The following FOXP2 variants were observed in gnomAD, a reference collection of about 807,000 sequenced individuals.
FOXP2 encodes the protein forkhead box P2, also known as forkhead box protein P2.
Under a neutral mutation model 115.8 loss-of-function variants are expected in FOXP2, and 12 were observed. The observed-to-expected ratio is 0.10, with a 90% CI of 0.07 to 0.17. FOXP2 has a LOEUF of 0.17. FOXP2 is among the 10% of genes least tolerant of loss of function. FOXP2 has a pLI of 1.00. For synonymous variants in FOXP2, 328 were observed against 297.7 expected (o/e 1.10, Z -1.05); for missense variants, 629 against 843.5 (o/e 0.75, Z 3.15).
chr7:114,527,662 T>C (rs1174615586), intron 2 of FOXP2, among the ~76,000 whole-genome samples: 1 of 152,182 alleles, frequency 6.6e-6, no homozygotes, highest in East Asian at 1.9e-4. Context: ...TATTCTGCCA[T>C]CAGGCAAACA....
intron 8 of FOXP2, among the ~76,000 whole-genome samples, chr7:114,650,721 G>A (rs1324811645): frequency 6.6e-6 from 1 of 151,926 alleles, no homozygotes; most frequent in Non-Finnish European, 1.5e-5. Context: ...TTAGAGAGCA[G>A]ACAGGTATAG....
intron 1 of FOXP2, among the ~76,000 whole-genome samples, chr7:114,092,649 C>T (rs902682728): frequency 1.3e-5 from 2 of 152,002 alleles, no homozygotes; most frequent in African/African-American, 4.8e-5. Flanking sequence ...TTACAGTACA[C>T]TAATCCAAAT....
chr7:114,443,343 T>A (rs1794691988), intron 2 of FOXP2, among the ~76,000 whole-genome samples: 2 of 152,224 alleles, frequency 1.3e-5, no homozygotes, highest in South Asian at 4.1e-4. Flanking sequence ...ATTCTATTAG[T>A]CCTGACATAT....
At chr7:114,567,318 G>A (rs1345226437) in intron 3 of FOXP2, among the ~76,000 whole-genome samples, 1 of 152,042 alleles carries the variant, frequency 6.6e-6, no homozygotes, top group South Asian at 2.1e-4. Flanking sequence ...ACCATATGAT[G>A]ATGTTACTTA....
intron 2 of FOXP2, among the ~76,000 whole-genome samples, chr7:114,521,532 CAAAAAAAAAAA>C (rs34666914): frequency 6.1e-5 from 5 of 82,082 alleles, no homozygotes; most frequent in Admixed American, 3.0e-4. Context: ...GACACTGTCT[CAAAAAAAAAAA>C]AAAAAAAAAA....
chr7:114,346,631 GATGAACCAGGATAACATC>G lies in FOXP2; in HGVS notation c.-11+58526_-11+58543del, dbSNP rs567087547. Among the ~76,000 whole-genome samples the G allele has an allele frequency of 5.9e-5, 9 of 151,818 alleles. No homozygotes were observed. The South Asian group carries it at 1.7e-3, about 28-fold the overall frequency. ...AAATCCTGTCATTTGCAATTTCATA[GATGAACCAGGATAACATC>G]ATGTTAGGTGTGAAATAAGCCAGAC... On this transcript the variant is annotated intron_variant, in intron 2 of 17. Coordinates refer to the FOXP2 transcript ENST00000634411.
intron 16 of FOXP2, among the ~76,000 whole-genome samples, chr7:114,682,777 TTGACAAG>T (rs1808162860): frequency 6.6e-6 from 1 of 152,066 alleles, no homozygotes. Flanking sequence ...GGCATATAAC[TTGACAAG>T]TGAAAACATG....
chr7:114,252,484 T>A (rs945931639), intron 1 of FOXP2, among the ~76,000 whole-genome samples: 1 of 152,214 alleles, frequency 6.6e-6, no homozygotes, highest in African/African-American at 2.4e-5. Context: ...GTTATTGGTC[T>A]ATTCAGAGAT....
intron 2 of FOXP2, among the ~76,000 whole-genome samples, chr7:114,529,653 T>A (rs1324129144): frequency 6.6e-6 from 1 of 151,810 alleles, no homozygotes; most frequent in East Asian, 1.9e-4. Flanking sequence ...AATAATTAGC[T>A]TTTAAAACAA....
chr7:114,513,190 T>C (rs1798161954), intron 2 of FOXP2, among the ~76,000 whole-genome samples: 1 of 152,188 alleles, frequency 6.6e-6, no homozygotes, highest in Admixed American at 6.5e-5. Flanking sequence ...TGAAATATTC[T>C]CCAGAGTGCT....
At chr7:114,260,480 A>T (rs1795721907) in intron 1 of FOXP2, among the ~76,000 whole-genome samples, 1 of 152,068 alleles carries the variant, frequency 6.6e-6, no homozygotes, top group South Asian at 2.1e-4. Context: ...CAGCTTCATA[A>T]AATTATCTAA....
At chr7:114,641,569 A>G (rs1052613789) in intron 6 of FOXP2, among the ~76,000 whole-genome samples, 1 of 152,080 alleles carries the variant, frequency 6.6e-6, no homozygotes, top group Non-Finnish European at 1.5e-5. Flanking sequence ...ATCAAAATGA[A>G]CAGATAATTG....
intron 2 of FOXP2, among the ~76,000 whole-genome samples, chr7:114,452,225 A>G (rs776512132): frequency 8.6e-5 from 13 of 152,014 alleles, no homozygotes; most frequent in Non-Finnish European, 1.6e-4. Context: ...CAATATCTCA[A>G]TTGAACTTAT....
At chr7:114,102,708 A>ACT (rs1314398485) in intron 1 of FOXP2, among the ~76,000 whole-genome samples, 2 of 150,364 alleles carry the variant, frequency 1.3e-5, no homozygotes. Context: ...ACACACACAC[A>ACT]CACACACACA....
chr7:114,688,988 A>G (rs1035710132), intron 16 of FOXP2, among the ~76,000 whole-genome samples: 14 of 152,120 alleles, frequency 9.2e-5, no homozygotes, highest in Admixed American at 9.2e-4. Flanking sequence ...AAAAAATTTG[A>G]TTATTTATAT....
rs890107241 is a variant in FOXP2, at chr7:114,360,217, G to C, written c.-10-66285G>C. ...CTGCTGCCATGTAAGACCTACCTTT[G>C]CTCCTCCTTTGCCTTCCACCATGAT... On this transcript the variant is annotated intron_variant, in intron 2 of 17. Transcript: ENST00000634411. Among the ~76,000 whole-genome samples the C allele has an allele frequency of 2.6e-5, 4 of 152,190 alleles. No individual in the cohort carries two copies. The East Asian group carries it at 7.7e-4, about 29-fold the overall frequency.
rs771314598 is a variant in FOXP2 at position 114,689,904 on chromosome 7, C to T, written c.2126C>T (p.Pro709Leu). Reference protein sequence around the residue: ...LEDDREIEEEPLSEDLE With the variant: ...LEDDREIEEELLSEDLE ...GACGACAGAGAGATTGAAGAAGAGC[C>T]TTTATCTGAAGATCTGGAATGAGAA... The change falls in exon 17 of 17, where the codon CCT (proline) becomes CTT (leucine). Residue 709 changes from proline (P) to leucine (L), a missense_variant. By Grantham distance (98) the Pro-to-Leu change is moderately conservative. Around this residue, in one of 9 missense-constraint regions of FOXP2, gnomAD observed 117 missense variants for 112.3 expected, o/e 1.04. Transcript: ENST00000350908. 1 of 1,613,148 alleles carries T rather than the reference C, an allele frequency of 6.2e-7. No individual in the cohort carries two copies. Among genetic ancestry groups the T allele is most frequent in the African/African-American group, 1.3e-5 (1 of 74,850 alleles).
chr7:114,607,611 T>C (rs924161560), intron 3 of FOXP2, among the ~76,000 whole-genome samples: 2 of 152,106 alleles, frequency 1.3e-5, no homozygotes, highest in Admixed American at 6.5e-5. Context: ...AACTCCCTAA[T>C]AGAGGGGAGA....
At chr7:114,087,018 TTTAA>T (rs1238412445), upstream of FOXP2, among the ~76,000 whole-genome samples, 3 of 152,138 alleles carry the variant, frequency 2.0e-5, no homozygotes, top group Non-Finnish European at 4.4e-5. Context: ...CTCTCTTCTT[TTTAA>T]TTGTTTGTTG....
Sources: allele counts gnomAD v4.1 joint callset (sites outside exome capture counted in the v4.1 genomes callset), GRCh38; gene constraint gnomAD v4.1.1; regional missense constraint gnomAD v4.1.1; transcripts MANE v1.5; gene names NCBI Gene and HGNC (gene_info 2026-07-23, HGNC 2026-07-21).